Variants in GALNT13 observed in about 807,000 individuals in gnomAD.
The protein encoded by GALNT13 is polypeptide N-acetylgalactosaminyltransferase 13, also known as UDP-GalNAc:polypeptide N-acetylgalactosaminyltransferase 13.
In GALNT13, 28 loss-of-function variants were observed where a neutral mutation model predicts 64.2. The observed-to-expected ratio is 0.44, with a 90% confidence interval of 0.32 to 0.60. The LOEUF (loss-of-function observed/expected upper bound fraction) is 0.60. Ranked by LOEUF, GALNT13 falls within the 20% of genes least tolerant of loss-of-function variation. The pLI, the probability that GALNT13 is intolerant of heterozygous loss-of-function variation, is 0.05. For synonymous variants in GALNT13, 214 were observed against 224.6 expected, an observed-to-expected ratio of 0.95 and a Z score of 0.42; for missense variants, 577 against 669.8, an observed-to-expected ratio of 0.86 and a Z score of 1.53.
rs151321157 is a variant in GALNT13, at chr2:153,909,309, G to A, written c.-105+8302G>A. On this transcript the variant is annotated intron_variant, in intron 2 of 12. Transcript: ENST00000392825. ...ACTTTTTATCCTGAAACTTTGCTGA[G>A]GTTTATCAGTTTAAGGAGCTTTCAA... Among the ~76,000 whole-genome samples the A allele has an allele frequency of 4.5e-3, 683 of 152,074 alleles. 4 individuals are homozygous for A. The highest frequency in any genetic ancestry group is 0.016 in the African/African-American group (650 of 41,498).
At chr2:154,154,516 A>G (rs1684284168) in intron 4 of GALNT13, among the ~76,000 whole-genome samples, 1 of 152,224 alleles carries the variant, frequency 6.6e-6, no homozygotes, top group Non-Finnish European at 1.5e-5. Flanking sequence ...TTCTTGCAGT[A>G]TTATATAAAA....
At chr2:153,940,748 A>G (rs926835460) in intron 2 of GALNT13, among the ~76,000 whole-genome samples, 10 of 152,264 alleles carry the variant, frequency 6.6e-5, no homozygotes, top group African/African-American at 2.2e-4. Flanking sequence ...TGAGTGCCTG[A>G]AACTTCTGGA....
chr2:154,288,427 C>T (rs946925436), intron 8 of GALNT13, among the ~76,000 whole-genome samples: 1 of 152,068 alleles, frequency 6.6e-6, no homozygotes, highest in African/African-American at 2.4e-5. Flanking sequence ...TCATGCCTTC[C>T]CAACAGTCCC....
intron 4 of GALNT13, among the ~76,000 whole-genome samples, chr2:154,173,057 A>G (rs951093924): frequency 2.6e-5 from 4 of 152,046 alleles, no homozygotes; most frequent in Non-Finnish European, 5.9e-5. Context: ...TATAGGCATC[A>G]CATTACTTGA....
At chr2:154,287,450 A>G in intron 8 of GALNT13, 1 of 401,774 alleles carries the variant, frequency 2.5e-6, no homozygotes, top group Non-Finnish European at 4.7e-6. Context: ...TTCACCTCTG[A>G]GGGCCAACTA....
chr2:154,270,259 C>T (rs1691282587), intron 8 of GALNT13, among the ~76,000 whole-genome samples: 1 of 151,680 alleles, frequency 6.6e-6, no homozygotes, highest in African/African-American at 2.4e-5. Flanking sequence ...TTATATTAGC[C>T]TTTGATATGA....
At chr2:153,394,043 AC>A in the GALNT13 span, among the ~76,000 whole-genome samples, 5 of 151,248 alleles carry the variant, frequency 3.3e-5, no homozygotes, top group South Asian at 1.0e-3. Flanking sequence ...AGGCCACGTG[AC>A]TTGTGTTAGC....
the GALNT13 span, among the ~76,000 whole-genome samples, chr2:153,589,676 A>T: frequency 6.6e-6 from 1 of 152,314 alleles, no homozygotes; most frequent in South Asian, 2.1e-4. Flanking sequence ...AGCAAGTCAT[A>T]TTTTACATGA....
At chr2:154,429,140 A>G (rs1437363889) in intron 11 of GALNT13, among the ~76,000 whole-genome samples, 3 of 152,246 alleles carry the variant, frequency 2.0e-5, no homozygotes, top group Admixed American at 6.5e-5. Context: ...TAACCCTACA[A>G]TGGCATCTGT....
At chr2:153,421,293 A>G in the GALNT13 span, 1 of 196,574 alleles carries the variant, frequency 5.1e-6, no homozygotes, top group African/African-American at 2.3e-5. Context: ...GGAGAACACA[A>G]TCTGGCTAAG....
At chr2:154,199,195 G>C (rs1014073169) in intron 4 of GALNT13, among the ~76,000 whole-genome samples, 1 of 151,638 alleles carries the variant, frequency 6.6e-6, no homozygotes, top group African/African-American at 2.4e-5. Context: ...AACTGATTCT[G>C]TTCTGCTCTG....
the GALNT13 span, among the ~76,000 whole-genome samples, chr2:153,599,398 T>A: frequency 6.6e-6 from 1 of 152,054 alleles, no homozygotes; most frequent in African/African-American, 2.4e-5. Context: ...CCTCCCTGTT[T>A]CCTTTCTTGG....
chr2:153,399,228 A>G, the GALNT13 span, among the ~76,000 whole-genome samples: 1 of 150,494 alleles, frequency 6.6e-6, no homozygotes, highest in Non-Finnish European at 1.5e-5. Context: ...AAGATCAGAT[A>G]GTTGTAGATA....
the GALNT13 span, among the ~76,000 whole-genome samples, chr2:153,509,889 A>G: frequency 6.6e-6 from 1 of 152,230 alleles, no homozygotes. Context: ...TCTCGTAATT[A>G]AAAATTTTTA....
the GALNT13 span, among the ~76,000 whole-genome samples, chr2:153,080,213 T>G: frequency 1.3e-5 from 2 of 152,162 alleles, no homozygotes; most frequent in African/African-American, 4.8e-5. Context: ...TAAAAAATTA[T>G]TTTCAGATTT....
chr2:153,697,536 A>G, the GALNT13 span, among the ~76,000 whole-genome samples: 1 of 152,346 alleles, frequency 6.6e-6, no homozygotes, highest in African/African-American at 2.4e-5. Flanking sequence ...ATGTGTGAAT[A>G]TGTAAGAGAA....
intron 11 of GALNT13, among the ~76,000 whole-genome samples, chr2:154,432,519 T>G (rs1700756637): frequency 6.6e-6 from 1 of 152,172 alleles, no homozygotes; most frequent in Admixed American, 6.5e-5. Context: ...CCTAGTAAAT[T>G]GCTTAATAGA....
chr2:153,503,463 C>A, the GALNT13 span, among the ~76,000 whole-genome samples: 1 of 151,986 alleles, frequency 6.6e-6, no homozygotes, highest in Non-Finnish European at 1.5e-5. Context: ...TTATTTGAGA[C>A]AACGACTTGC....
At chr2:154,403,467 C>A (rs1325244154) in intron 10 of GALNT13, among the ~76,000 whole-genome samples, 2 of 149,828 alleles carry the variant, frequency 1.3e-5, no homozygotes, top group Admixed American at 6.7e-5. Context: ...AAAAAAAAAA[C>A]AAAAACGAAA....
Sources: gnomAD v4.1 joint callset for allele counts (sites outside exome capture counted in the v4.1 genomes callset) on GRCh38, gnomAD v4.1.1 for gene constraint, MANE v1.5 for transcripts, NCBI Gene and HGNC (gene_info 2026-07-23, HGNC 2026-07-21) for gene names.